IFT46: variants seen among roughly 807,000 people sequenced by gnomAD.
The protein encoded by IFT46 is intraflagellar transport protein 46 homolog.
IFT46 carries 19 observed loss-of-function variants against 39.6 expected under a neutral mutation model. The observed-to-expected ratio is 0.48, with a 90% CI of 0.33 to 0.70. The LOEUF is 0.70. IFT46 is among the 30% of genes least tolerant of loss of function. The pLI, the probability that IFT46 is intolerant of heterozygous loss-of-function variation, is 0.01. For synonymous variants in IFT46, 117 were observed against 134.8 expected, an observed-to-expected ratio of 0.87 and a Z score of 0.91; for missense variants, 334 against 364.8, an observed-to-expected ratio of 0.92 and a Z score of 0.69.
chr11:118,571,357 C>T (rs1591376144), intron 1 of IFT46, among the ~76,000 whole-genome samples: 1 of 152,076 alleles, frequency 6.6e-6, no homozygotes, highest in African/African-American at 2.4e-5. Context: ...GGATTGTCTC[C>T]ACTTTTTGGC....
intron 3 of IFT46, chr11:118,557,760 C>T (rs1555069799): frequency 6.2e-7 from 1 of 1,614,146 alleles, no homozygotes. Context: ...CTGGCTCTCT[C>T]TGTACCATCC....
chr11:118,556,885 G>C, intron 4 of IFT46, 21 bp downstream of exon 4: 2 of 1,557,802 alleles, frequency 1.3e-6, no homozygotes, highest in Non-Finnish European at 1.7e-6. Flanking sequence ...AGCACCCTTG[G>C]CTTGGGTGTT....
chr11:118,557,681 G>T, intron 3 of IFT46: 1 of 1,591,178 alleles, frequency 6.3e-7, no homozygotes, highest in South Asian at 1.1e-5. Flanking sequence ...TACATAAAAT[G>T]ACTACACATT....
chr11:118,548,063 T>A (rs868910851), intron 9 of IFT46, among the ~76,000 whole-genome samples: 7 of 148,120 alleles, frequency 4.7e-5, no homozygotes, highest in East Asian at 2.0e-4. Flanking sequence ...TTTTTTTTTT[T>A]AATAGAGAAG....
chr11:118,558,518 C>T (rs1009336566), intron 3 of IFT46, among the ~76,000 whole-genome samples: 4 of 151,676 alleles, frequency 2.6e-5, no homozygotes, highest in African/African-American at 9.7e-5. Context: ...TTGCTTGAAC[C>T]CTGGAGGCGG....
chr11:118,571,056 T>C (rs1159437729), intron 1 of IFT46, among the ~76,000 whole-genome samples: 1 of 152,154 alleles, frequency 6.6e-6, no homozygotes, highest in East Asian at 1.9e-4. Flanking sequence ...CCAGAATGTT[T>C]TAATTATTCC....
At chr11:118,575,634 C>A (rs1306241860), upstream of IFT46, among the ~76,000 whole-genome samples, 1 of 152,066 alleles carries the variant, frequency 6.6e-6, no homozygotes, top group Non-Finnish European at 1.5e-5. Context: ...TAGAAACTAG[C>A]CTTAATATGA....
At chr11:118,553,268 C>A (rs1326420250) in intron 7 of IFT46, among the ~76,000 whole-genome samples, 3 of 151,826 alleles carry the variant, frequency 2.0e-5, no homozygotes, top group Non-Finnish European at 4.4e-5. Context: ...ATGGAGAAAC[C>A]CTGACTCTAC....
exon 1 of IFT46, chr11:118,572,951 T>G (rs1197000767): frequency 1.3e-5 from 3 of 223,558 alleles, no homozygotes; most frequent in Non-Finnish European, 2.6e-5. Flanking sequence ...TCTCCGGAGG[T>G]TCTGGTCCTT....
chr11:118,559,238 C>G (rs1284348481), intron 3 of IFT46, among the ~76,000 whole-genome samples: 1 of 152,032 alleles, frequency 6.6e-6, no homozygotes, highest in Non-Finnish European at 1.5e-5. Context: ...AGGTGGGCCT[C>G]TTGCCATGTT....
chr11:118,555,107 G>A (rs1174360412), intron 5 of IFT46, 24 bp from the exon 6 acceptor site: 2 of 1,582,362 alleles, frequency 1.3e-6, no homozygotes, highest in Admixed American at 1.7e-5. Context: ...CCAAGGGAAG[G>A]TGGAGACAGT....
intron 4 of IFT46, chr11:118,555,656 T>C: frequency 4.3e-6 from 1 of 234,842 alleles, no homozygotes; most frequent in Non-Finnish European, 8.5e-6. Context: ...GCGTGGTGGC[T>C]CACACCTGTA....
chr11:118,555,961 G>A (rs1937816668), intron 4 of IFT46, among the ~76,000 whole-genome samples: 1 of 151,276 alleles, frequency 6.6e-6, no homozygotes, highest in Non-Finnish European at 1.5e-5. Flanking sequence ...CATGAAAATA[G>A]TTTGCACCAG....
Position 118,559,783 on chromosome 11 carries a change from AC to A in IFT46, c.45+1del. ...TACAAGAAGCTGTGAGTTTTACTGT[AC>A]CTTGTTATTTTCCTCTTCACACTCA... On this transcript the variant is annotated splice_donor_variant, in intron 3 of 11. Transcript: ENST00000264021. LOFTEE classifies it high-confidence loss of function. 1 of 1,611,356 alleles carries A rather than the reference AC, an allele frequency of 6.2e-7. No individual in the cohort carries two copies. The highest frequency in any genetic ancestry group is 8.5e-7 in the Non-Finnish European group (1 of 1,177,552).
chr11:118,548,988 C>T (rs1162610717), intron 9 of IFT46, among the ~76,000 whole-genome samples: 10 of 151,600 alleles, frequency 6.6e-5, no homozygotes, highest in African/African-American at 2.4e-4. Flanking sequence ...TGCACCCCTC[C>T]TGGGTTCAAG....
At chr11:118,550,811 G>A (rs1349630106) in intron 9 of IFT46, among the ~76,000 whole-genome samples, 4 of 151,624 alleles carry the variant, frequency 2.6e-5, no homozygotes, top group African/African-American at 9.7e-5. Flanking sequence ...GGTGGATCAC[G>A]AGGTCAGGAG....
upstream of IFT46, among the ~76,000 whole-genome samples, chr11:118,566,521 T>A (rs1269651449): frequency 6.6e-6 from 1 of 152,000 alleles, no homozygotes; most frequent in Non-Finnish European, 1.5e-5. Context: ...TGAAACCCCG[T>A]CTCTACTAAA....
Position 118,551,713 on chromosome 11 carries a change from G to A in IFT46, c.672+73C>T, listed in dbSNP as rs1266259720. Reference sequence around the variant, plus strand: ...AAAGTTACCAATAATAATAATGGAGGAAGAGAAAAAACACTGGGCCCTGGA... The same window carrying A: ...AAAGTTACCAATAATAATAATGGAGAAAGAGAAAAAACACTGGGCCCTGGA... On this transcript the variant is annotated intron_variant, in intron 9 of 11. Coordinates refer to ENST00000264021, the MANE Select transcript of IFT46 (RefSeq NM_001168618.2). 22 of 1,051,736 alleles carry A rather than the reference G, an allele frequency of 2.1e-5. No homozygotes were observed. In the African/African-American group the frequency reaches 2.6e-4, roughly 12 times the overall value. The allele number at this position is 1,051,736 out of a possible 1,614,324, so 65.2% of individuals were successfully genotyped here. A position where few individuals can be genotyped will look rare whatever the true frequency, so the allele number is the denominator to read the frequency against.
exon 1 of IFT46, chr11:118,572,648 A>C (rs1736113435): frequency 6.7e-7 from 1 of 1,490,254 alleles, no homozygotes; most frequent in Non-Finnish European, 9.2e-7. Context: ...CCCCGCCCTG[A>C]GGGTCTAGGG....
Sources: gnomAD v4.1 joint callset for allele counts (sites outside exome capture counted in the v4.1 genomes callset) on GRCh38, gnomAD v4.1.1 for gene constraint, MANE v1.5 for transcripts, NCBI Gene and HGNC (gene_info 2026-07-23, HGNC 2026-07-21) for gene names.